Variants in MS4A13 observed in about 807,000 individuals in gnomAD.
The protein encoded by MS4A13 is membrane-spanning 4-domains subfamily A member 13.
A neutral mutation model predicts 18.4 loss-of-function variants in MS4A13; 21 were observed. That is an observed-to-expected ratio of 1.14 (90% CI 0.81 to 1.64). MS4A13 has a LOEUF of 1.64. Among genes scored for constraint, MS4A13 ranks in the 40% most tolerant of loss-of-function variants. MS4A13 has a pLI of 0.00. For missense variants in MS4A13, 173 were observed against 176.8 expected (o/e 0.98, Z 0.12); for synonymous variants, 62 against 57.2 (o/e 1.08, Z -0.38).
intron 6 of MS4A13, among the ~76,000 whole-genome samples, chr11:60,532,560 C>G (rs7942398): frequency 0.95 from 145,013 of 152,158 alleles, 69,506 homozygotes; most frequent in East Asian, 1. Flanking sequence ...ACAGCAGTCT[C>G]AGATCAAACT....
At chr11:60,541,950 A>G (rs2086861917) in intron 6 of MS4A13, among the ~76,000 whole-genome samples, 1 of 151,892 alleles carries the variant, frequency 6.6e-6, no homozygotes, top group African/African-American at 2.4e-5. Context: ...AATACAAAAA[A>G]ATTAGCCAGG....
At chr11:60,530,001 C>T (rs1288423773) in intron 6 of MS4A13, among the ~76,000 whole-genome samples, 1 of 152,194 alleles carries the variant, frequency 6.6e-6, no homozygotes, top group African/African-American at 2.4e-5. Flanking sequence ...TACAGGACCA[C>T]TAATTCTTTA....
At chr11:60,523,859 T>C (rs1239278314) in intron 3 of MS4A13, 38 bp from the exon 4 acceptor site, 5 of 1,173,780 alleles carry the variant, frequency 4.3e-6, no homozygotes, top group Non-Finnish European at 6.3e-6. Context: ...TTGGCAAGCA[T>C]TATCAATGAG....
At chr11:60,531,066 A>G (rs938237533) in intron 6 of MS4A13, among the ~76,000 whole-genome samples, 1 of 152,162 alleles carries the variant, frequency 6.6e-6, no homozygotes, top group Non-Finnish European at 1.5e-5. Flanking sequence ...AGACTAATAT[A>G]CTACCCCACC....
At chr11:60,543,087 C>T (rs558215638), downstream of MS4A13, among the ~76,000 whole-genome samples, 146 of 152,194 alleles carry the variant, frequency 9.6e-4, no homozygotes, top group African/African-American at 3.4e-3. Flanking sequence ...ATTTAAAGTT[C>T]CTTTCTGCCC....
intron 6 of MS4A13, among the ~76,000 whole-genome samples, chr11:60,538,694 T>C (rs948501213): frequency 1.3e-5 from 2 of 150,700 alleles, no homozygotes; most frequent in East Asian, 3.9e-4. Flanking sequence ...AATTTTAAGA[T>C]AATCCCTATG....
At chr11:60,524,292 A>G (rs1184933079) in intron 4 of MS4A13, among the ~76,000 whole-genome samples, 1 of 152,158 alleles carries the variant, frequency 6.6e-6, no homozygotes, top group East Asian at 1.9e-4. Flanking sequence ...GTAAAACTTC[A>G]TTTTCTGAAC....
chr11:60,532,308 T>G (rs1245646545), intron 6 of MS4A13, among the ~76,000 whole-genome samples: 1 of 152,172 alleles, frequency 6.6e-6, no homozygotes, highest in Non-Finnish European at 1.5e-5. Flanking sequence ...CAGGCCAGTG[T>G]GTGCACGCAC....
intron 6 of MS4A13, among the ~76,000 whole-genome samples, chr11:60,532,514 G>A (rs1018926223): frequency 6.6e-6 from 1 of 152,228 alleles, no homozygotes; most frequent in Non-Finnish European, 1.5e-5. Flanking sequence ...CTGGCTCAGA[G>A]GGTCCTACGC....
At chr11:60,527,362 G>GTC (rs1313348420) in intron 5 of MS4A13, among the ~76,000 whole-genome samples, 40 of 62,528 alleles carry the variant, frequency 6.4e-4, no homozygotes, top group Middle Eastern at 9.3e-3. Context: ...CATTCATTCC[G>GTC]TCTCTCTCTC....
intron 5 of MS4A13, among the ~76,000 whole-genome samples, chr11:60,527,298 A>C (rs984169439): frequency 2.0e-5 from 3 of 150,760 alleles, no homozygotes; most frequent in Non-Finnish European, 4.4e-5. Flanking sequence ...AGGGTCACTT[A>C]CTTTACTTAA....
intron 6 of MS4A13, among the ~76,000 whole-genome samples, chr11:60,540,141 T>C (rs908757541): frequency 2.0e-5 from 3 of 152,244 alleles, no homozygotes; most frequent in Non-Finnish European, 2.9e-5. Flanking sequence ...TCCAGGATGA[T>C]TACCTTAATT....
At chr11:60,518,015 T>C (rs2086648423) in intron 2 of MS4A13, 57 bp from the exon 3 acceptor site, 7 of 1,350,050 alleles carry the variant, frequency 5.2e-6, no homozygotes, top group Non-Finnish European at 7.1e-6. Context: ...TTAACACTTA[T>C]TGGAATTGTG....
downstream of MS4A13, chr11:60,542,850 A>G (rs2086872475): frequency 8.5e-6 from 2 of 236,534 alleles, no homozygotes; most frequent in Non-Finnish European, 1.6e-5. Flanking sequence ...AAGCTTTTGT[A>G]AGAGACTGTA....
At position 60,542,570 on chromosome 11, in the gene MS4A13, C is replaced by A. The variant is rs1419971153; in HGVS notation, c.454C>A (p.Pro152Thr). 3.7e-6 allele frequency: 6 copies of A among 1,604,048 alleles called. No homozygotes were observed. The highest frequency in any genetic ancestry group is 5.1e-6 in the Non-Finnish European group (6 of 1,173,444). ...TGTTACTGAGGAAGCTGAGAGCACT[C>A]CTTAAAAACCCTAGAAATATGAGAA... ...TSVTEEAEST[P>T] Residue 152 changes from proline (P) to threonine (T), a missense_variant, in exon 7 of 7, where the codon CCT (proline) becomes ACT (threonine). Coordinates refer to ENST00000378186, the MANE Select transcript of MS4A13 (RefSeq NM_001012417.3).
At chr11:60,527,406 CTCTCTGTGTGTGTGTG>C (rs2086725390) in intron 5 of MS4A13, among the ~76,000 whole-genome samples, 1 of 46,084 alleles carries the variant, frequency 2.2e-5, no homozygotes, top group African/African-American at 8.7e-5. Context: ...CTCTCTCTCT[CTCTCTGTGTGTGTGTG>C]TGTGTGTGTG....
intron 2 of MS4A13, among the ~76,000 whole-genome samples, chr11:60,517,588 A>G (rs1219134136): frequency 6.6e-6 from 1 of 152,184 alleles, no homozygotes; most frequent in East Asian, 1.9e-4. Flanking sequence ...TGTGAAAAAA[A>G]TCATACCAAA....
intron 6 of MS4A13, among the ~76,000 whole-genome samples, chr11:60,530,939 C>G (rs995041514): frequency 2.6e-5 from 4 of 152,288 alleles, no homozygotes; most frequent in East Asian, 3.9e-4. Context: ...CTTTGCCTTA[C>G]GCCATCATTG....
intron 3 of MS4A13, among the ~76,000 whole-genome samples, chr11:60,519,877 G>A (rs1028107208): frequency 6.6e-6 from 1 of 152,222 alleles, no homozygotes; most frequent in Admixed American, 6.5e-5. Flanking sequence ...AGGGTTGTTA[G>A]AATTTTAATA....
Sources: allele counts gnomAD v4.1 joint callset (sites outside exome capture counted in the v4.1 genomes callset), GRCh38; gene constraint gnomAD v4.1.1; transcripts MANE v1.5; gene names NCBI Gene and HGNC (gene_info 2026-07-23, HGNC 2026-07-21).